CFAP52: variants seen among roughly 807,000 people sequenced by gnomAD.
CFAP52 encodes cilia and flagella associated protein 52.
A neutral mutation model predicts 70.5 loss-of-function variants in CFAP52; 57 were observed. That is an observed-to-expected ratio of 0.81 (90% CI 0.65 to 1.01). CFAP52 has a LOEUF of 1.01. CFAP52 is among the 50% of genes least tolerant of loss of function. The probability of loss-of-function intolerance (pLI) is 0.00; values close to 1 mark genes in which losing one functional copy is unlikely to be tolerated. For missense variants in CFAP52, 785 were observed against 788.5 expected, an observed-to-expected ratio of 1.00 and a Z score of 0.05; for synonymous variants, 267 against 292.5, an observed-to-expected ratio of 0.91 and a Z score of 0.89.
intron 3 of CFAP52, among the ~76,000 whole-genome samples, chr17:9,591,819 A>C (rs1282506243): frequency 1.3e-5 from 2 of 151,966 alleles, no homozygotes; most frequent in African/African-American, 4.8e-5. Context: ...TTGAGGCTGC[A>C]GTGAGTGGTG....
intron 12 of CFAP52, 128 bp downstream of exon 12, chr17:9,638,839 C>A: frequency 2.4e-6 from 2 of 849,976 alleles, no homozygotes; most frequent in Non-Finnish European, 3.7e-6. Flanking sequence ...ATCAATCAGC[C>A]ATGCCACTTT....
chr17:9,642,787 C>T (rs1911135118), intron 13 of CFAP52, among the ~76,000 whole-genome samples: 1 of 152,044 alleles, frequency 6.6e-6, no homozygotes, highest in African/African-American at 2.4e-5. Context: ...GGAACTAAGC[C>T]AAGATATTAC....
intron 3 of CFAP52, 137 bp from the exon 4 acceptor site, chr17:9,594,056 G>A: frequency 8.0e-7 from 1 of 1,255,102 alleles, no homozygotes; most frequent in Non-Finnish European, 1.1e-6. Context: ...GATGTCAGGG[G>A]TGGGGTAATT....
At chr17:9,633,819 G>A (rs1440916676) in intron 10 of CFAP52, among the ~76,000 whole-genome samples, 1 of 151,920 alleles carries the variant, frequency 6.6e-6, no homozygotes, top group Non-Finnish European at 1.5e-5. Context: ...TGGGACTACA[G>A]GTGCCTGCCA....
Position 9,629,490 on chromosome 17 carries a change from TC to T in CFAP52, c.1174+671del, listed in dbSNP as rs1910364702. On this transcript the variant is annotated intron_variant, in intron 9 of 13. Transcript: ENST00000352665. Reference sequence around the variant, plus strand: ...CTTTCTTTCCCTTTCTTTCTTTCTTTCTTTCTTTTCTTTTCTTTCTTTCTTT... The same window carrying T: ...CTTTCTTTCCCTTTCTTTCTTTCTTTTTTCTTTTCTTTTCTTTCTTTCTTT... Among the ~76,000 whole-genome samples, 11 of 133,782 alleles carry T rather than the reference TC, an allele frequency of 8.2e-5. 1 individual carries two copies. The highest frequency in any genetic ancestry group is 3.8e-4 in the African/African-American group (11 of 28,600). 87.8% of individuals were successfully genotyped at this position (133,782 alleles called of 152,430 possible). A position where few individuals can be genotyped will look rare whatever the true frequency, so the allele number is the denominator to read the frequency against.
chr17:9,634,047 C>T (rs1341394080), intron 10 of CFAP52, among the ~76,000 whole-genome samples: 1 of 152,094 alleles, frequency 6.6e-6, no homozygotes, highest in African/African-American at 2.4e-5. Flanking sequence ...ACGTTTTGAC[C>T]ATTATTTTTA....
At chr17:9,602,320 T>C (rs1050095337) in intron 6 of CFAP52, among the ~76,000 whole-genome samples, 6 of 152,250 alleles carry the variant, frequency 3.9e-5, no homozygotes, top group African/African-American at 1.4e-4. Flanking sequence ...TTCCCCTCCC[T>C]GTGTCCATGT....
chr17:9,631,016 A>AGAGAGAGAGAGAGAG lies in CFAP52; in HGVS notation c.1175-1872_1175-1871insGAGAGAGAGAGAGAG, dbSNP rs1567634774. ...AAAGAAAGAAAGAAAGAAAGAAAGA[A>AGAGAGAGAGAGAGAG]AGAAAGAAAGAAAGAGAGAGAGAGA... On this transcript the variant is annotated intron_variant, in intron 9 of 13. Transcript: ENST00000352665. Among the ~76,000 whole-genome samples the AGAGAGAGAGAGAGAG allele has an allele frequency of 5.9e-5, 3 of 51,158 alleles. No individual in the cohort carries two copies. In the Admixed American group the frequency reaches 6.6e-4, roughly 11 times the overall value. 33.6% of individuals were successfully genotyped at this position (51,158 alleles called of 152,430 possible). A position where few individuals can be genotyped will look rare whatever the true frequency, so the allele number is the denominator to read the frequency against.
rs145951373 is a variant in CFAP52 at position 9,628,801 on chromosome 17, C to T, written c.1155C>T (p.Asp385=). ...MTCHGIDFMR[D]GKSIISAWND... is the part of the protein sequence containing the mutation. ...GCCACGGCATCGACTTCATGAGGGA[C>T]GGCAAAAGCATCATTTCAGGTAACG... The change falls in exon 9 of 14, where the codon GAC becomes GAT. Residue 385 remains aspartate, a synonymous_variant. Transcript: ENST00000352665. 937 of 1,614,084 alleles carry T rather than the reference C, an allele frequency of 5.8e-4. 3 individuals carry two copies. In the African/African-American group the frequency reaches 7.1e-3, roughly 12 times the overall value.
chr17:9,636,186 A>G (rs1044899328), intron 11 of CFAP52, among the ~76,000 whole-genome samples: 2 of 80,966 alleles, frequency 2.5e-5, no homozygotes, highest in East Asian at 1.7e-3. Context: ...AAAAAAAGAA[A>G]GAAAGAAAGA....
intron 10 of CFAP52, 35 bp downstream of exon 10, chr17:9,633,068 T>G: frequency 1.2e-6 from 2 of 1,601,428 alleles, no homozygotes; most frequent in Non-Finnish European, 1.7e-6. Context: ...AATAACGCTC[T>G]GTTTAGAACA....
intron 3 of CFAP52, among the ~76,000 whole-genome samples, chr17:9,591,030 CTTTTTTTTTT>C (rs34888799): frequency 1.3e-5 from 1 of 76,758 alleles, no homozygotes; most frequent in East Asian, 5.0e-4. Flanking sequence ...TTGCATGCAT[CTTTTTTTTTT>C]TTTTTTTTTT....
chr17:9,628,964 C>T, intron 9 of CFAP52, 144 bp downstream of exon 9: 3 of 1,265,978 alleles, frequency 2.4e-6, no homozygotes, highest in Non-Finnish European at 3.2e-6. Flanking sequence ...AATCTAGCCT[C>T]TCTTTGGAGT....
At chr17:9,614,199 A>T (rs1207138708) in intron 8 of CFAP52, among the ~76,000 whole-genome samples, 1 of 123,742 alleles carries the variant, frequency 8.1e-6, no homozygotes. Flanking sequence ...CTCTGTTGCC[A>T]TGCTGGAGTG....
At chr17:9,638,495 G>A (rs369864048) in intron 11 of CFAP52, 114 bp from the exon 12 acceptor site, 6 of 858,542 alleles carry the variant, frequency 7.0e-6, no homozygotes, top group East Asian at 2.6e-5. Flanking sequence ...GAGATGTTTG[G>A]CATGGAGATA....
At chr17:9,608,512 C>T (rs6503234) in intron 7 of CFAP52, among the ~76,000 whole-genome samples, 151,423 of 152,342 alleles carry the variant, frequency 0.99, 75,263 homozygotes, top group East Asian at 1. Flanking sequence ...ATGAAAGGAA[C>T]GGGATGTTAT....
downstream of CFAP52, chr17:9,644,612 C>T (rs532523750): frequency 6.6e-6 from 1 of 152,162 alleles, no homozygotes; most frequent in African/African-American, 2.4e-5. Flanking sequence ...CCCAGGGTTA[C>T]CCAGGGAATC....
At chr17:9,631,010 GAAAGAA>G (rs1910466132) in intron 9 of CFAP52, among the ~76,000 whole-genome samples, 1 of 52,104 alleles carries the variant, frequency 1.9e-5, no homozygotes, top group African/African-American at 1.5e-4. Context: ...AAGAAAGAAA[GAAAGAA>G]AGAAAGAAAG....
At position 9,635,423 on chromosome 17, in the gene CFAP52, G is replaced by A. The variant is rs1261852648; in HGVS notation, c.1339G>A (p.Gly447Ser). 6.2e-7 allele frequency: 1 copy of A among 1,614,016 alleles called. No individual in the cohort carries two copies. The highest frequency in any genetic ancestry group is 8.5e-7 in the Non-Finnish European group (1 of 1,180,048). The change falls in exon 11 of 14, where the codon GGC becomes AGC. Residue 447 changes from glycine (G) to serine (S), a missense_variant. Transcript: ENST00000352665. ...GEGEVRVWQI[G>S]CQTQKLEEAL... is the part of the protein sequence containing the mutation. Reference sequence around the variant, plus strand: ...CTTTCAGGTGAGGGTATGGCAGATAGGCTGTCAGACCCAGAAGCTGGAGGA... The same window carrying A: ...CTTTCAGGTGAGGGTATGGCAGATAAGCTGTCAGACCCAGAAGCTGGAGGA...
Sources: allele counts gnomAD v4.1 joint callset (sites outside exome capture counted in the v4.1 genomes callset), GRCh38; gene constraint gnomAD v4.1.1; transcripts MANE v1.5; gene names NCBI Gene and HGNC (gene_info 2026-07-23, HGNC 2026-07-21).